The following TENM4 variants were observed in gnomAD, a reference collection of about 807,000 sequenced individuals.
TENM4 encodes the protein teneurin-4.
In TENM4, 82 loss-of-function variants were observed where a neutral mutation model predicts 243.3. The observed-to-expected ratio is 0.34, with a 90% CI of 0.28 to 0.40. TENM4 has a LOEUF of 0.40. Among genes scored for constraint, TENM4 ranks in the 10% least tolerant of loss-of-function variants. The pLI is 1.00. For missense variants in TENM4, 3,138 were observed against 3,673.3 expected, an observed-to-expected ratio of 0.85 and a Z score of 3.77; for synonymous variants, 1,412 against 1,456.3, an observed-to-expected ratio of 0.97 and a Z score of 0.69.
At chr11:78,791,178 A>T (rs908340751) in intron 15 of TENM4, among the ~76,000 whole-genome samples, 12 of 152,188 alleles carry the variant, frequency 7.9e-5, no homozygotes, top group African/African-American at 2.4e-4. Context: ...ACTCAAGATG[A>T]GAGTAGAAAC....
intron 25 of TENM4, among the ~76,000 whole-genome samples, chr11:78,715,086 T>C (rs945754149): frequency 2.6e-5 from 4 of 152,216 alleles, no homozygotes; most frequent in Non-Finnish European, 5.9e-5. Flanking sequence ...TAGGTAGTGT[T>C]TGCATTCGCA....
chr11:79,400,145 A>ACACACACC (rs1333144765), intron 1 of TENM4, among the ~76,000 whole-genome samples: 4 of 130,602 alleles, frequency 3.1e-5, no homozygotes, highest in Admixed American at 1.5e-4. Flanking sequence ...ACACACACAC[A>ACACACACC]CCCTCCAGGA....
rs182968229 is a variant in TENM4, at chr11:78,963,590, G to A, written c.494-60067C>T. ...CCAGTGGGCCATCTTAAGGTTCAGCGGGGCTCTAAGGGGGAGGTGGCACAG... is the reference window on the plus strand; with the variant it reads ...CCAGTGGGCCATCTTAAGGTTCAGCAGGGCTCTAAGGGGGAGGTGGCACAG... On this transcript the variant is annotated intron_variant, in intron 6 of 33. Transcript: ENST00000278550. 3.4e-3 allele frequency among the ~76,000 whole-genome samples: 521 copies of A among 152,218 alleles called. 1 individual carries two copies. The highest frequency in any genetic ancestry group is 8.2e-3 in the African/African-American group (339 of 41,526).
chr11:78,835,850 G>A (rs922066238), intron 12 of TENM4, among the ~76,000 whole-genome samples: 3 of 152,156 alleles, frequency 2.0e-5, no homozygotes, highest in Admixed American at 6.5e-5. Context: ...TGTCTTTCCG[G>A]ACAGACTTGA....
chr11:78,805,045 T>C (rs1857358787), intron 15 of TENM4, among the ~76,000 whole-genome samples: 1 of 152,236 alleles, frequency 6.6e-6, no homozygotes, highest in East Asian at 1.9e-4. Context: ...ATAAGCTCCA[T>C]TGTTAAGGGG....
In TENM4 at chr11:78,860,718, C is replaced by T. The variant is rs77007081; in HGVS notation, c.1255+2244G>A. 1.8e-4 allele frequency among the ~76,000 whole-genome samples: 27 copies of T among 152,304 alleles called. No homozygotes were observed. The East Asian group carries it at 3.1e-3, about 17-fold the overall frequency. On this transcript the variant is annotated intron_variant, in intron 10 of 33. Transcript: ENST00000278550. ...CTTTGTCCTCTGGTTTCCAGTCTGACGTATTTTTTTTGTCACAGTGATTGC... is the reference window on the plus strand; with the variant it reads ...CTTTGTCCTCTGGTTTCCAGTCTGATGTATTTTTTTTGTCACAGTGATTGC...
chr11:78,899,881 A>C (rs1457350183), intron 7 of TENM4, among the ~76,000 whole-genome samples: 2 of 152,236 alleles, frequency 1.3e-5, no homozygotes, highest in Non-Finnish European at 2.9e-5. Context: ...TAAAGTCTGC[A>C]GAACTGTAAG....
chr11:79,309,341 C>CA (rs1373748177), intron 1 of TENM4, among the ~76,000 whole-genome samples: 1 of 152,150 alleles, frequency 6.6e-6, no homozygotes, highest in Admixed American at 6.5e-5. Context: ...GTGTTTTTCC[C>CA]ATACAGGCCA....
intron 3 of TENM4, among the ~76,000 whole-genome samples, chr11:79,155,215 A>G (rs1362118071): frequency 1.3e-5 from 2 of 152,164 alleles, no homozygotes; most frequent in Non-Finnish European, 1.5e-5. Flanking sequence ...ATCTGGGCCA[A>G]TGGAGGTGGG....
At chr11:79,287,292 G>A (rs367961970) in intron 2 of TENM4, among the ~76,000 whole-genome samples, 29 of 152,256 alleles carry the variant, frequency 1.9e-4, no homozygotes, top group South Asian at 8.3e-4. Context: ...TAGAAAGGAA[G>A]ATGGAATAGG....
At chr11:78,855,838 G>C (rs1449443234) in intron 11 of TENM4, 126 bp downstream of exon 11, 3 of 895,148 alleles carry the variant, frequency 3.4e-6, no homozygotes, top group Non-Finnish European at 3.4e-6. Context: ...CTACATGAAT[G>C]AATGGGCTAT....
chr11:78,876,776 G>C (rs1180417091), intron 9 of TENM4, among the ~76,000 whole-genome samples: 1 of 152,210 alleles, frequency 6.6e-6, no homozygotes, highest in African/African-American at 2.4e-5. Context: ...CAAAAGACAG[G>C]CTCAGTGAAT....
At chr11:79,083,050 C>A (rs1296029506) in intron 4 of TENM4, among the ~76,000 whole-genome samples, 2 of 152,216 alleles carry the variant, frequency 1.3e-5, no homozygotes, top group African/African-American at 4.8e-5. Context: ...CACGCCTAAT[C>A]AAGCCTTGTG....
chr11:78,785,582 C>T (rs929752639), intron 16 of TENM4, among the ~76,000 whole-genome samples: 1 of 152,138 alleles, frequency 6.6e-6, no homozygotes, highest in Non-Finnish European at 1.5e-5. Flanking sequence ...TACTGCTTCA[C>T]AGGGTGATTG....
chr11:79,228,228 C>G lies in TENM4; in HGVS notation c.-264-12319G>C, dbSNP rs138752176. Among the ~76,000 whole-genome samples, 477 of 152,302 alleles carry G rather than the reference C, an allele frequency of 3.1e-3. 1 individual carries two copies. The highest frequency in any genetic ancestry group is 0.011 in the African/African-American group (455 of 41,562). ...CCCCTCGGGTGGTGGGCCAGCTTCC[C>G]AGCAGAGGTCAGCTTCCCACTGTCA... On this transcript the variant is annotated intron_variant, in intron 2 of 33. Coordinates refer to ENST00000278550, the MANE Select transcript of TENM4 (RefSeq NM_001098816.3).
chr11:79,145,042 C>G (rs762954475), intron 4 of TENM4, among the ~76,000 whole-genome samples: 52 of 151,290 alleles, frequency 3.4e-4, no homozygotes, highest in African/African-American at 1.2e-3. Context: ...CTCACGTGCC[C>G]CATAAATATA....
chr11:78,661,229 C>T (rs192282188), intron 33 of TENM4, among the ~76,000 whole-genome samples: 1 of 152,224 alleles, frequency 6.6e-6, no homozygotes, highest in Non-Finnish European at 1.5e-5. Flanking sequence ...ACACAAAGCT[C>T]CTTACTGCAG....
intron 1 of TENM4, among the ~76,000 whole-genome samples, chr11:79,434,421 C>T (rs1011414182): frequency 1.3e-5 from 2 of 152,064 alleles, no homozygotes; most frequent in African/African-American, 4.8e-5. Flanking sequence ...AATCCACAGC[C>T]TCAGCAAATG....
At chr11:78,703,397 A>C (rs1377190517) in intron 27 of TENM4, among the ~76,000 whole-genome samples, 2 of 152,160 alleles carry the variant, frequency 1.3e-5, no homozygotes, top group Admixed American at 6.5e-5. Flanking sequence ...TGGTTCTAGT[A>C]CCTCAGAGAA....
Sources: allele counts gnomAD v4.1 joint callset (sites outside exome capture counted in the v4.1 genomes callset), GRCh38; gene constraint gnomAD v4.1.1; transcripts MANE v1.5; gene names NCBI Gene and HGNC (gene_info 2026-07-23, HGNC 2026-07-21).